The following SAYSD1 variants were observed in gnomAD, a reference collection of about 807,000 sequenced individuals.
The protein encoded by SAYSD1 is SAYSVFN motif domain containing 1, also known as SAYSvFN domain-containing protein 1.
SAYSD1 carries 15 observed loss-of-function variants against 14.5 expected under a neutral mutation model. The ratio of observed to expected loss-of-function variants is 1.03; its 90% CI spans 0.69 to 1.59. SAYSD1 has a LOEUF of 1.59. SAYSD1 is among the 40% of genes most tolerant of loss of function. SAYSD1 has a pLI of 0.00. For synonymous variants in SAYSD1, 105 were observed against 102.6 expected, an observed-to-expected ratio of 1.02 and a Z score of -0.14; for missense variants, 247 against 227.3, an observed-to-expected ratio of 1.09 and a Z score of -0.56.
At chr6:39,107,460 C>G (rs542619061) in intron 1 of SAYSD1, among the ~76,000 whole-genome samples, 1 of 152,200 alleles carries the variant, frequency 6.6e-6, no homozygotes, top group Non-Finnish European at 1.5e-5. Context: ...CAGGAAGCCA[C>G]GTGTCTCCAG....
rs750274233 is a variant in SAYSD1, at chr6:39,115,098, C to T, written c.-9G>A. 3.1e-6 allele frequency: 5 copies of T among 1,597,504 alleles called. No homozygotes were observed. The East Asian group carries it at 6.7e-5, about 21-fold the overall frequency. The stretch of plus-strand genomic sequence containing the variant: ...GCTAACCGCTGTTCCATGGCGCGCG[C>T]CTCGCGTCCGTTGGCCGATAAGGGA... On this transcript the variant is annotated 5_prime_UTR_variant, in exon 1 of 2. Coordinates refer to ENST00000229903, the MANE Select transcript of SAYSD1 (RefSeq NM_018322.3).
In SAYSD1 at chr6:39,105,533, C is replaced by A; in HGVS notation, c.451G>T (p.Ala151Ser). The change falls in exon 2 of 2, where the codon GCC becomes TCC. Residue 151 changes from alanine to serine, a missense_variant. Ala to Ser is a moderately conservative substitution (Grantham distance 99, BLOSUM62 1). Transcript: ENST00000229903. ...CAGCCTGGATTGAACACAGAGTAGG[C>A]GCTCTTCTCTCCCTCTTTCTTCTCT... ...PEEKKEGEKS[A>S]YSVFNPGCEA... is the part of the protein sequence containing the mutation. 6.2e-7 allele frequency: 1 copy of A among 1,614,232 alleles called. No homozygotes were observed.
At chr6:39,109,178 A>T in intron 1 of SAYSD1, 1 of 858,306 alleles carries the variant, frequency 1.2e-6, no homozygotes, top group Non-Finnish European at 1.9e-6. Flanking sequence ...GGCCAGCCTG[A>T]GCCAAGGCCT....
chr6:39,109,473 G>A (rs183272730), intron 1 of SAYSD1: 150 of 1,518,378 alleles, frequency 9.9e-5, no homozygotes, highest in South Asian at 4.6e-4. Context: ...AGCGAGGCCC[G>A]GGTCGGGGCA....
chr6:39,108,641 G>T (rs1769549707), intron 1 of SAYSD1, among the ~76,000 whole-genome samples: 1 of 152,142 alleles, frequency 6.6e-6, no homozygotes, highest in South Asian at 2.1e-4. Flanking sequence ...TAGGGCCTCT[G>T]CACTTGTGGT....
chr6:39,111,440 G>A (rs1159624626), intron 1 of SAYSD1: 2 of 152,080 alleles, frequency 1.3e-5, no homozygotes, highest in Non-Finnish European at 1.5e-5. Context: ...ATCTGCTGAC[G>A]ATGATGATAA....
intron 1 of SAYSD1, among the ~76,000 whole-genome samples, 168 bp from the exon 2 acceptor site, chr6:39,105,944 T>C (rs554365938): frequency 6.6e-6 from 1 of 152,338 alleles, no homozygotes; most frequent in East Asian, 1.9e-4. Context: ...ACCTATGTGC[T>C]CTACTCCAAC....
chr6:39,105,799 A>C, intron 1 of SAYSD1, 23 bp from the exon 2 acceptor site: 1 of 1,601,596 alleles, frequency 6.2e-7, no homozygotes, highest in Non-Finnish European at 8.5e-7. Flanking sequence ...AACAAACAAA[A>C]GAAAGAATAA....
At chr6:39,114,369 G>A (rs1769690723) in intron 1 of SAYSD1, among the ~76,000 whole-genome samples, 1 of 152,142 alleles carries the variant, frequency 6.6e-6, no homozygotes, top group Non-Finnish European at 1.5e-5. Flanking sequence ...TGCCACTACC[G>A]GCAGTTACAG....
intron 1 of SAYSD1, among the ~76,000 whole-genome samples, chr6:39,106,487 A>G (rs1390817804): frequency 1.3e-5 from 2 of 152,166 alleles, no homozygotes; most frequent in Non-Finnish European, 2.9e-5. Flanking sequence ...AGATTGCACC[A>G]CCACACTCTA....
intron 1 of SAYSD1, among the ~76,000 whole-genome samples, chr6:39,106,689 A>G (rs1769510974): frequency 6.6e-6 from 1 of 152,204 alleles, no homozygotes; most frequent in African/African-American, 2.4e-5. Context: ...CATCCTATGT[A>G]CAACTGCTAA....
intron 1 of SAYSD1, 152 bp downstream of exon 1, chr6:39,114,731 G>T: frequency 1.4e-6 from 1 of 713,754 alleles, no homozygotes; most frequent in Non-Finnish European, 2.3e-6. Context: ...GCTGACACGT[G>T]TGGCCGGAGA....
chr6:39,105,903 T>C (rs1251851763), intron 1 of SAYSD1, 127 bp from the exon 2 acceptor site: 4 of 785,230 alleles, frequency 5.1e-6, no homozygotes, highest in Non-Finnish European at 8.0e-6. Flanking sequence ...TATTCTTTCA[T>C]GCAACTCTCT....
intron 1 of SAYSD1, among the ~76,000 whole-genome samples, 162 bp downstream of exon 1, chr6:39,114,721 G>C (rs1326066215): frequency 6.6e-6 from 1 of 152,238 alleles, no homozygotes; most frequent in Non-Finnish European, 1.5e-5. Context: ...TGGTAACAGT[G>C]CTGACACGTG....
In SAYSD1 at chr6:39,105,465, G is replaced by A. The variant is rs141609699; in HGVS notation, c.519C>T (p.Arg173=). The change falls in exon 2 of 2, where the codon CGC becomes CGT. Residue 173 remains arginine (R), a synonymous_variant. Transcript: ENST00000229903. The part of the protein sequence containing the change: ...QGTLTAEQLE[R]ELQLRPLAGR ...CTGCCAGGGGTCTCAACTGTAACTCGCGCTCCAACTGCTCTGCAGTCAGGG... is the reference window on the plus strand; with the variant it reads ...CTGCCAGGGGTCTCAACTGTAACTCACGCTCCAACTGCTCTGCAGTCAGGG... 8.4e-5 allele frequency: 136 copies of A among 1,614,220 alleles called. No homozygotes were observed. In the African/African-American group the frequency reaches 9.5e-4, roughly 11 times the overall value.
In SAYSD1 at chr6:39,115,111, G is replaced by A. The variant is rs780004052; in HGVS notation, c.-22C>T. 9.4e-6 allele frequency: 15 copies of A among 1,589,918 alleles called. No individual in the cohort carries two copies. ...CCATGGCGCGCGCCTCGCGTCCGTT[G>A]GCCGATAAGGGAGCGCGCGCCCGCA... On this transcript the variant is annotated 5_prime_UTR_variant, in exon 1 of 2. Coordinates refer to ENST00000229903, the MANE Select transcript of SAYSD1 (RefSeq NM_018322.3).
At chr6:39,107,998 A>T (rs1187699609) in intron 1 of SAYSD1, among the ~76,000 whole-genome samples, 1 of 152,208 alleles carries the variant, frequency 6.6e-6, no homozygotes, top group Non-Finnish European at 1.5e-5. Context: ...GGTGCTAAAA[A>T]GGTTGGGGAG....
At chr6:39,112,592 A>G (rs1769648631) in intron 1 of SAYSD1, 2 of 152,272 alleles carry the variant, frequency 1.3e-5, no homozygotes, top group African/African-American at 4.8e-5. Context: ...ACTCCATGAC[A>G]CAAGAAATTC....
intron 1 of SAYSD1, chr6:39,109,679 G>A: frequency 2.8e-6 from 3 of 1,066,530 alleles, no homozygotes; most frequent in Admixed American, 8.7e-5. Context: ...TAAAAGGTGT[G>A]GGACTTCCTC....
Sources: allele counts gnomAD v4.1 joint callset (sites outside exome capture counted in the v4.1 genomes callset), GRCh38; gene constraint gnomAD v4.1.1; transcripts MANE v1.5; gene names NCBI Gene and HGNC (gene_info 2026-07-23, HGNC 2026-07-21).